The following DAPP1 variants were observed in gnomAD, a reference collection of about 807,000 sequenced individuals.
The protein encoded by DAPP1 is dual adaptor of phosphotyrosine and 3-phosphoinositides 1.
A neutral mutation model predicts 41.5 loss-of-function variants in DAPP1; 20 were observed. The ratio of observed to expected loss-of-function variants is 0.48; its 90% CI spans 0.34 to 0.70. The LOEUF (loss-of-function observed/expected upper bound fraction) is 0.70, where lower values mean the gene tolerates loss of function less well. Ranked by LOEUF, DAPP1 falls within the 30% of genes least tolerant of loss-of-function variation. DAPP1 has a pLI of 0.01. For missense variants in DAPP1, 233 were observed against 333.4 expected, an observed-to-expected ratio of 0.70 and a Z score of 2.35; for synonymous variants, 113 against 116.2, an observed-to-expected ratio of 0.97 and a Z score of 0.18.
rs1172444133 is a variant in DAPP1, at chr4:99,869,356, T to C, written c.*1171T>C. The C allele has an allele frequency of 6.6e-6, 1 of 152,232 alleles. No homozygotes were observed. The highest frequency in any genetic ancestry group is 2.4e-5 in the African/African-American group (1 of 41,460). The allele number at this position is 152,232 out of a possible 1,614,324, so 9.4% of individuals were successfully genotyped here. A position where few individuals can be genotyped will look rare whatever the true frequency, so the allele number is the denominator to read the frequency against. On this transcript the variant is annotated 3_prime_UTR_variant, in exon 9 of 9. Transcript: ENST00000512369. ...GCAGAATCTAACCCCTTCTGTTATC[T>C]TTTTTAATACTATTTTTGTTTAGAT...
At chr4:99,832,658 C>T (rs1160961215) in intron 1 of DAPP1, among the ~76,000 whole-genome samples, 2 of 152,230 alleles carry the variant, frequency 1.3e-5, no homozygotes, top group Non-Finnish European at 2.9e-5. Flanking sequence ...TTGCATTATA[C>T]TCAAGTATTT....
rs1242897272 is a variant in DAPP1, at chr4:99,840,364, A to G, written c.300A>G (p.Ser100=). The change falls in exon 3 of 9, where the codon TCA becomes TCG. Residue 100 remains serine, a synonymous_variant. Coordinates refer to ENST00000512369, the MANE Select transcript of DAPP1 (RefSeq NM_014395.3). ...YSFKFGFNEF[S]SLKDFVKHFA... ...TTAAATTTGGCTTTAATGAATTCTC[A>G]TCTTTGAAGGATTTTGTCAAGCATT... is the stretch of plus-strand genomic sequence containing the variant. The G allele has an allele frequency of 1.2e-6, 2 of 1,611,314 alleles. No individual in the cohort carries two copies. Among genetic ancestry groups the G allele is most frequent in the Admixed American group, 1.7e-5 (1 of 59,520 alleles).
At chr4:99,818,509 G>C (rs1475339870) in intron 1 of DAPP1, among the ~76,000 whole-genome samples, 1 of 152,180 alleles carries the variant, frequency 6.6e-6, no homozygotes, top group Non-Finnish European at 1.5e-5. Context: ...CTATGGTTGA[G>C]TACTGTGGGA....
At chr4:99,823,439 C>T (rs1392985530) in intron 1 of DAPP1, among the ~76,000 whole-genome samples, 1 of 152,044 alleles carries the variant, frequency 6.6e-6, no homozygotes, top group Non-Finnish European at 1.5e-5. Flanking sequence ...CATCTTGATT[C>T]TAGTTTTTAA....
intron 1 of DAPP1, among the ~76,000 whole-genome samples, chr4:99,819,868 A>G (rs1177465433): frequency 6.6e-6 from 1 of 152,062 alleles, no homozygotes; most frequent in Non-Finnish European, 1.5e-5. Flanking sequence ...CTGTAAATTG[A>G]GCCCTGAACT....
At chr4:99,844,885 G>A (rs1055155471) in intron 3 of DAPP1, among the ~76,000 whole-genome samples, 5 of 152,214 alleles carry the variant, frequency 3.3e-5, no homozygotes, top group Non-Finnish European at 7.3e-5. Flanking sequence ...AAATAATGTG[G>A]TTAAAATTAA....
At chr4:99,854,122 C>T (rs969467677) in intron 4 of DAPP1, among the ~76,000 whole-genome samples, 2 of 152,296 alleles carry the variant, frequency 1.3e-5, no homozygotes, top group East Asian at 1.9e-4. Context: ...ACAGAAAACA[C>T]TTGTGCTTCT....
intron 4 of DAPP1, among the ~76,000 whole-genome samples, chr4:99,860,191 A>G (rs1424385387): frequency 6.6e-6 from 1 of 152,258 alleles, no homozygotes; most frequent in Non-Finnish European, 1.5e-5. Flanking sequence ...CCTGAATAAA[A>G]TTAATAGTCT....
chr4:99,839,389 ATAGAT>A (rs928048533), intron 2 of DAPP1, among the ~76,000 whole-genome samples: 58 of 147,728 alleles, frequency 3.9e-4, no homozygotes, highest in African/African-American at 1.4e-3. Flanking sequence ...ATAGATATAT[ATAGAT>A]TAGATATCTA....
chr4:99,841,597 TG>T (rs1276972312), intron 3 of DAPP1, among the ~76,000 whole-genome samples: 2 of 152,226 alleles, frequency 1.3e-5, no homozygotes, highest in African/African-American at 4.8e-5. Flanking sequence ...ACCTTGGCCT[TG>T]GCAAGCATTT....
At chr4:99,851,872 A>G (rs868257060) in intron 3 of DAPP1, among the ~76,000 whole-genome samples, 3 of 151,822 alleles carry the variant, frequency 2.0e-5, no homozygotes, top group East Asian at 3.9e-4. Flanking sequence ...TAGATTTATC[A>G]TTAACATTAG....
intron 1 of DAPP1, 29 bp downstream of exon 1, chr4:99,817,043 C>A: frequency 2.6e-6 from 4 of 1,543,578 alleles, no homozygotes; most frequent in Non-Finnish European, 3.5e-6. Flanking sequence ...TTTCAAAGTA[C>A]CTAGTGGGTG....
At chr4:99,835,330 A>G (rs1348695236) in intron 1 of DAPP1, among the ~76,000 whole-genome samples, 1 of 152,150 alleles carries the variant, frequency 6.6e-6, no homozygotes, top group Non-Finnish European at 1.5e-5. Flanking sequence ...TTAACTTGGT[A>G]AAGACCCTGT....
chr4:99,820,648 T>G (rs1972698), intron 1 of DAPP1, among the ~76,000 whole-genome samples: 74,449 of 152,024 alleles, frequency 0.49, 19,164 homozygotes, highest in African/African-American at 0.66. Context: ...ATAAGAGAAG[T>G]TTAGAGTAGA....
intron 1 of DAPP1, among the ~76,000 whole-genome samples, chr4:99,826,543 A>G (rs1212476535): frequency 6.6e-6 from 1 of 152,236 alleles, no homozygotes; most frequent in African/African-American, 2.4e-5. Flanking sequence ...ATGAGTTACT[A>G]AGACATTTTG....
At position 99,824,602 on chromosome 4, in the gene DAPP1, T is replaced by C. The variant is rs1295445392; in HGVS notation, c.101+7588T>C. Among the ~76,000 whole-genome samples the C allele has an allele frequency of 2.6e-5, 4 of 152,240 alleles. No individual in the cohort carries two copies. The South Asian group carries it at 8.3e-4, about 32-fold the overall frequency. On this transcript the variant is annotated intron_variant, in intron 1 of 8. Transcript: ENST00000512369. ...AGCTTCCTGAAAGTGACCCTCTCTG[T>C]CTCCTACACTAGCCCACAATGGTAG...
intron 4 of DAPP1, among the ~76,000 whole-genome samples, chr4:99,860,489 A>G (rs1724200894): frequency 6.6e-6 from 1 of 152,224 alleles, no homozygotes; most frequent in African/African-American, 2.4e-5. Flanking sequence ...ACCAATTATG[A>G]GATATCAAAT....
At chr4:99,831,910 C>T (rs991040347) in intron 1 of DAPP1, among the ~76,000 whole-genome samples, 3 of 151,598 alleles carry the variant, frequency 2.0e-5, no homozygotes, top group Non-Finnish European at 4.4e-5. Context: ...ATCTTCTTTA[C>T]ATGTATATAT....
chr4:99,821,299 C>T (rs6814181), intron 1 of DAPP1, among the ~76,000 whole-genome samples: 43,227 of 152,118 alleles, frequency 0.28, 6,701 homozygotes, highest in African/African-American at 0.41. Context: ...ATTTCATAGA[C>T]GCAAAAGGTG....
Sources: gnomAD v4.1 joint callset for allele counts (sites outside exome capture counted in the v4.1 genomes callset) on GRCh38, gnomAD v4.1.1 for gene constraint, MANE v1.5 for transcripts, NCBI Gene and HGNC (gene_info 2026-07-23, HGNC 2026-07-21) for gene names.